Variants in ZBTB20 observed in about 807,000 individuals in gnomAD.
ZBTB20 encodes the protein zinc finger and BTB domain-containing protein 20.
A neutral mutation model predicts 56.9 loss-of-function variants in ZBTB20; 9 were observed. The ratio of observed to expected loss-of-function variants is 0.16; its 90% CI spans 0.10 to 0.28. The LOEUF (loss-of-function observed/expected upper bound fraction) is 0.28. Among genes scored for constraint, ZBTB20 ranks in the 10% least tolerant of loss-of-function variants. The probability of loss-of-function intolerance (pLI) is 1.00; values close to 1 mark genes in which losing one functional copy is unlikely to be tolerated. For synonymous variants in ZBTB20, 417 were observed against 420.7 expected, an observed-to-expected ratio of 0.99 and a Z score of 0.11; for missense variants, 655 against 1,003.0, an observed-to-expected ratio of 0.65 and a Z score of 4.69.
chr3:114,461,101 C>T (rs77007538), intron 7 of ZBTB20, among the ~76,000 whole-genome samples: 1,783 of 152,244 alleles, frequency 0.012, 32 homozygotes, highest in Middle Eastern at 0.034. Flanking sequence ...AGTTAATCTA[C>T]AACAGTAGTT....
chr3:114,696,359 T>C lies in ZBTB20; in HGVS notation c.-342-2784A>G, dbSNP rs545953865. On this transcript the variant is annotated intron_variant, in intron 5 of 11. Transcript: ENST00000675478. ...GATACAAGGAGATCAAGCGCTTCAATAGTTCCTCCTCACACACTAATGATC... is the reference window on the plus strand; with the variant it reads ...GATACAAGGAGATCAAGCGCTTCAACAGTTCCTCCTCACACACTAATGATC... Among the ~76,000 whole-genome samples, 180 of 152,122 alleles carry C rather than the reference T, an allele frequency of 1.2e-3. 1 individual carries two copies. Among genetic ancestry groups the C allele is most frequent in the African/African-American group, 4.1e-3 (172 of 41,544 alleles).
chr3:115,002,783 C>G (rs553336883), intron 2 of ZBTB20, among the ~76,000 whole-genome samples: 2 of 151,614 alleles, frequency 1.3e-5, no homozygotes, highest in Non-Finnish European at 3.0e-5. Flanking sequence ...ATTAAACATA[C>G]ACTTACCATA....
rs552835124 is a variant in ZBTB20, at chr3:114,954,994, T to C, written c.-456+19372A>G. On this transcript the variant is annotated intron_variant, in intron 3 of 11. Coordinates refer to ENST00000675478, the MANE Select transcript of ZBTB20 (RefSeq NM_001348800.3). ...GAATAGTAATTCTAAAGGAAACTTC[T>C]TGTCTGCCAAGTAGAACTTTGAAGT... Among the ~76,000 whole-genome samples, 3 of 152,314 alleles carry C rather than the reference T, an allele frequency of 2.0e-5. No individual in the cohort carries two copies. In the South Asian group the frequency reaches 6.2e-4, roughly 32 times the overall value.
intron 4 of ZBTB20, among the ~76,000 whole-genome samples, chr3:114,887,061 G>T (rs923842873): frequency 6.6e-6 from 1 of 152,178 alleles, no homozygotes; most frequent in East Asian, 1.9e-4. Context: ...CACATGGCAA[G>T]GGGGCAGACT....
At chr3:115,007,302 T>C (rs1405599703) in intron 2 of ZBTB20, among the ~76,000 whole-genome samples, 1 of 151,654 alleles carries the variant, frequency 6.6e-6, no homozygotes, top group Non-Finnish European at 1.5e-5. Flanking sequence ...TTGCCAATTA[T>C]GTCTACTCCT....
intron 7 of ZBTB20, among the ~76,000 whole-genome samples, chr3:114,467,809 T>C (rs950150599): frequency 6.6e-6 from 1 of 152,200 alleles, no homozygotes; most frequent in Non-Finnish European, 1.5e-5. Context: ...TATTCCTTGG[T>C]GGGAATGTGA....
At chr3:114,510,956 T>G (rs968131015) in intron 6 of ZBTB20, among the ~76,000 whole-genome samples, 1 of 151,966 alleles carries the variant, frequency 6.6e-6, no homozygotes, top group East Asian at 1.9e-4. Context: ...AGGGAATGCC[T>G]TGAAAACTCT....
intron 10 of ZBTB20, chr3:114,378,911 G>T (rs1038134351): frequency 6.6e-6 from 1 of 152,256 alleles, no homozygotes; most frequent in Non-Finnish European, 1.5e-5. Flanking sequence ...AACTTCGACT[G>T]TTCAAATCAC....
At position 114,880,171 on chromosome 3, in the gene ZBTB20, T is replaced by C. The variant is rs1172847875; in HGVS notation, c.-417+20133A>G. Among the ~76,000 whole-genome samples the C allele has an allele frequency of 2.0e-5, 3 of 152,184 alleles. No individual in the cohort carries two copies. The East Asian group carries it at 5.8e-4, about 29-fold the overall frequency. On this transcript the variant is annotated intron_variant, in intron 4 of 11. Transcript: ENST00000675478. The stretch of plus-strand genomic sequence containing the variant: ...TGAGTAAGTGGTCTCGATCACTGAA[T>C]ACATGGGGTGTGCTTGAAGGGTCAG...
chr3:114,386,414 T>C (rs1237959616), intron 8 of ZBTB20, among the ~76,000 whole-genome samples: 1 of 152,106 alleles, frequency 6.6e-6, no homozygotes, highest in African/African-American at 2.4e-5. Context: ...GAAAAAACTG[T>C]ATTTGGAGCT....
intron 4 of ZBTB20, among the ~76,000 whole-genome samples, chr3:114,864,884 A>G (rs990949611): frequency 2.0e-5 from 3 of 152,092 alleles, no homozygotes; most frequent in African/African-American, 7.2e-5. Flanking sequence ...CACTTCTTCA[A>G]TCTGCATATG....
At chr3:115,029,176 C>G (rs1216805505) in intron 2 of ZBTB20, among the ~76,000 whole-genome samples, 1 of 150,582 alleles carries the variant, frequency 6.6e-6, no homozygotes, top group Non-Finnish European at 1.5e-5. Flanking sequence ...ACTAACACTA[C>G]AAGAAAAATG....
chr3:114,345,259 T>C (rs2080098499), intron 11 of ZBTB20, among the ~76,000 whole-genome samples: 1 of 152,206 alleles, frequency 6.6e-6, no homozygotes, highest in South Asian at 2.1e-4. Context: ...CATGTATATA[T>C]ACGTGTGTGA....
chr3:115,007,545 T>C (rs947268924), intron 2 of ZBTB20, among the ~76,000 whole-genome samples: 1 of 151,870 alleles, frequency 6.6e-6, no homozygotes, highest in African/African-American at 2.4e-5. Context: ...TTATTCTTTA[T>C]AAGTTCTTTC....
In ZBTB20 at chr3:114,338,840, A is replaced by G. The variant is rs2079555104; in HGVS notation, c.*165T>C. The G allele has an allele frequency of 1.3e-6, 1 of 764,890 alleles. No homozygotes were observed. Among genetic ancestry groups the G allele is most frequent in the African/African-American group, 1.8e-5 (1 of 56,974 alleles). 47.4% of individuals were successfully genotyped at this position (764,890 alleles called of 1,614,324 possible). A position where few individuals can be genotyped will look rare whatever the true frequency, so the allele number is the denominator to read the frequency against. Reference sequence around the variant, plus strand: ...CCGGAAATGTAATGTACCAGCAGGCAAAAAACAGTTCTTCATGTAGTACAA... The same window carrying G: ...CCGGAAATGTAATGTACCAGCAGGCGAAAAACAGTTCTTCATGTAGTACAA... On this transcript the variant is annotated 3_prime_UTR_variant, in exon 12 of 12. Coordinates refer to ENST00000675478, the MANE Select transcript of ZBTB20 (RefSeq NM_001348800.3).
intron 6 of ZBTB20, among the ~76,000 whole-genome samples, chr3:114,511,799 C>G (rs1190122506): frequency 6.6e-6 from 1 of 152,054 alleles, no homozygotes; most frequent in Non-Finnish European, 1.5e-5. Flanking sequence ...AGGCTGCCAA[C>G]TGGGGTAAAT....
chr3:114,674,166 T>A (rs551632912), intron 6 of ZBTB20, among the ~76,000 whole-genome samples: 1 of 152,294 alleles, frequency 6.6e-6, no homozygotes, highest in East Asian at 1.9e-4. Context: ...AACTTTCATA[T>A]ATTGAATGTG....
chr3:114,937,516 C>T (rs1576372312), intron 3 of ZBTB20, among the ~76,000 whole-genome samples: 1 of 151,646 alleles, frequency 6.6e-6, no homozygotes, highest in South Asian at 2.1e-4. Context: ...CCGGCTCCCG[C>T]GTTCAAGTGA....
intron 7 of ZBTB20, among the ~76,000 whole-genome samples, chr3:114,438,426 C>CAA (rs200877729): frequency 2.4e-3 from 257 of 109,356 alleles, no homozygotes; most frequent in Middle Eastern, 0.011. Flanking sequence ...CAAAAAAAAA[C>CAA]AAAAAAAACC....
Sources: gnomAD v4.1 joint callset for allele counts (sites outside exome capture counted in the v4.1 genomes callset) on GRCh38, gnomAD v4.1.1 for gene constraint, MANE v1.5 for transcripts, NCBI Gene and HGNC (gene_info 2026-07-23, HGNC 2026-07-21) for gene names.